Variants in ZNF638 observed in about 807,000 individuals in gnomAD.
ZNF638 encodes the protein CTCL tumor antigen se33-1.
ZNF638 carries 46 observed loss-of-function variants against 195.6 expected under a neutral mutation model. That is an observed-to-expected ratio of 0.24 (90% confidence interval 0.19 to 0.30). ZNF638 has a LOEUF of 0.30. ZNF638 is among the 10% of genes least tolerant of loss of function. The probability of loss-of-function intolerance (pLI) is 1.00; values close to 1 mark genes in which losing one functional copy is unlikely to be tolerated. For synonymous variants in ZNF638, 845 were observed against 772.0 expected, an observed-to-expected ratio of 1.09 and a Z score of -1.57; for missense variants, 2,440 against 2,325.3, an observed-to-expected ratio of 1.05 and a Z score of -1.01.
intron 1 of ZNF638, chr2:71,348,539 G>A: frequency 3.4e-6 from 4 of 1,180,908 alleles, no homozygotes; most frequent in Non-Finnish European, 4.3e-6. Context: ...CATGAACTCT[G>A]GCTTGAGGTT....
intron 1 of ZNF638, among the ~76,000 whole-genome samples, chr2:71,339,885 G>C (rs987095709): frequency 2.0e-5 from 3 of 152,118 alleles, no homozygotes; most frequent in African/African-American, 7.2e-5. Flanking sequence ...GCACATCTGC[G>C]GGGGAGCATC....
chr2:71,425,885 G>A (rs1477823231), intron 23 of ZNF638, among the ~76,000 whole-genome samples: 4 of 152,030 alleles, frequency 2.6e-5, no homozygotes, highest in African/African-American at 7.2e-5. Flanking sequence ...GGCTGGTCTC[G>A]AACTCCTGAC....
chr2:71,331,886 T>C lies in ZNF638; in HGVS notation c.-203+11T>C. On this transcript the variant is annotated intron_variant, in intron 1 of 27. Coordinates refer to ENST00000264447, the MANE Select transcript of ZNF638 (RefSeq NM_014497.5). The stretch of plus-strand genomic sequence containing the variant: ...GTCGGGTAGGCATAGGTAGGACCGC[T>C]GCCCTGTGGGGAGTAGGGGGTTGGA... 1 of 986,340 alleles carries C rather than the reference T, an allele frequency of 1.0e-6. No individual in the cohort carries two copies. Among genetic ancestry groups the C allele is most frequent in the South Asian group, 4.7e-5 (1 of 21,306 alleles). 61.1% of individuals were successfully genotyped at this position (986,340 alleles called of 1,614,324 possible). A position where few individuals can be genotyped will look rare whatever the true frequency, so the allele number is the denominator to read the frequency against.
chr2:71,350,214 T>C lies in ZNF638; in HGVS notation c.1260T>C (p.Ser420=), dbSNP rs2078917534. The change falls in exon 2 of 28, where the codon TCT becomes TCC. Residue 420 remains serine, a synonymous_variant. Transcript: ENST00000264447. ...PSMMNDYYAA[S]PRIFPHLCSL... Reference sequence around the variant, plus strand: ...TGATGAATGATTATTATGCAGCATCTCCAAGAATATTTCCACATTTGTGTT... The same window carrying C: ...TGATGAATGATTATTATGCAGCATCCCCAAGAATATTTCCACATTTGTGTT... 1.2e-6 allele frequency: 2 copies of C among 1,606,780 alleles called. No homozygotes were observed. The highest frequency in any genetic ancestry group is 1.3e-5 in the African/African-American group (1 of 75,052).
intron 1 of ZNF638, among the ~76,000 whole-genome samples, chr2:71,336,899 T>G (rs969114281): frequency 1.3e-5 from 2 of 152,190 alleles, no homozygotes; most frequent in Non-Finnish European, 2.9e-5. Context: ...ACTTAAGGAG[T>G]TAACTAATTT....
chr2:71,393,543 C>T (rs764114057), intron 10 of ZNF638: 6 of 717,868 alleles, frequency 8.4e-6, no homozygotes, highest in South Asian at 4.4e-5. Context: ...CGGACATTAC[C>T]TGGGGGATGC....
intron 1 of ZNF638, among the ~76,000 whole-genome samples, chr2:71,336,141 G>A (rs1244606835): frequency 6.6e-6 from 1 of 152,172 alleles, no homozygotes; most frequent in African/African-American, 2.4e-5. Flanking sequence ...GGAGGCCGAG[G>A]CAGGCGGATC....
Position 71,423,070 on chromosome 2 carries a change from G to C in ZNF638, c.3556G>C (p.Val1186Leu), listed in dbSNP as rs1202718589. Residue 1186 changes from valine (V) to leucine (L), a missense_variant, in exon 22 of 28, where the codon GTC (valine) becomes CTC (leucine). Coordinates refer to ENST00000264447, the MANE Select transcript of ZNF638 (RefSeq NM_014497.5). ...EEIPLVASAS[V>L]SIEQFTENAE... Reference sequence around the variant, plus strand: ...AATTCCTCTTGTAGCATCCGCTTCAGTCAGTATTGAACAATTCACTGAAAA... The same window carrying C: ...AATTCCTCTTGTAGCATCCGCTTCACTCAGTATTGAACAATTCACTGAAAA... The C allele has an allele frequency of 6.2e-7, 1 of 1,614,034 alleles. No individual in the cohort carries two copies. The highest frequency in any genetic ancestry group is 8.5e-7 in the Non-Finnish European group (1 of 1,180,008).
intron 5 of ZNF638, 142 bp downstream of exon 5, chr2:71,364,394 A>G (rs2104272735): frequency 1.1e-6 from 1 of 880,918 alleles, no homozygotes. Context: ...CCACAGAGTT[A>G]TTCCCTCTGG....
intron 10 of ZNF638, among the ~76,000 whole-genome samples, chr2:71,391,836 G>A (rs1421251882): frequency 1.3e-5 from 2 of 152,064 alleles, no homozygotes; most frequent in Non-Finnish European, 2.9e-5. Flanking sequence ...CAGCAAAAAG[G>A]GAAATTGAGG....
In ZNF638 at chr2:71,395,136, A is replaced by T. The variant is rs1207956370; in HGVS notation, c.2378-1005A>T. On this transcript the variant is annotated intron_variant, in intron 10 of 27. Transcript: ENST00000264447. ...AGATCTACATGTCCAACAAACAGTT[A>T]TATGGAAGGATGTGCAAGAACATCT... 8.9e-6 allele frequency: 6 copies of T among 674,654 alleles called. No individual in the cohort carries two copies. In the East Asian group the frequency reaches 1.4e-4, roughly 15 times the overall value. The allele number at this position is 674,654 out of a possible 1,614,324, so 41.8% of individuals were successfully genotyped here.
chr2:71,374,196 A>G (rs1260790209), intron 8 of ZNF638: 2 of 152,244 alleles, frequency 1.3e-5, no homozygotes, highest in Non-Finnish European at 2.9e-5. Context: ...TCCTTAATCT[A>G]TTATTTGCAG....
At chr2:71,428,479 A>T (rs1420692155) in intron 24 of ZNF638, 68 bp from the exon 25 acceptor site, 1 of 1,410,776 alleles carries the variant, frequency 7.1e-7, no homozygotes, top group African/African-American at 1.4e-5. Context: ...CAGACAGTAT[A>T]ATATGTTTAA....
chr2:71,430,790 C>T (rs992702670), intron 25 of ZNF638, among the ~76,000 whole-genome samples: 1 of 152,170 alleles, frequency 6.6e-6, no homozygotes, highest in Admixed American at 6.5e-5. Context: ...TGTCTGTCCC[C>T]AAGATCATAG....
At chr2:71,356,580 C>T (rs998266886) in intron 3 of ZNF638, among the ~76,000 whole-genome samples, 1 of 152,080 alleles carries the variant, frequency 6.6e-6, no homozygotes, top group East Asian at 1.9e-4. Flanking sequence ...TGCTTGAGCT[C>T]AGGAGTTCAG....
chr2:71,333,000 T>C (rs1020889755), intron 1 of ZNF638: 5 of 152,088 alleles, frequency 3.3e-5, no homozygotes, highest in African/African-American at 1.2e-4. Flanking sequence ...GGATTATTTT[T>C]TCAGGGATGT....
At chr2:71,383,270 G>C (rs1467189855) in intron 10 of ZNF638, among the ~76,000 whole-genome samples, 1 of 152,080 alleles carries the variant, frequency 6.6e-6, no homozygotes, top group Non-Finnish European at 1.5e-5. Context: ...AGCCAAGATC[G>C]TGCCACTGCA....
In ZNF638 at chr2:71,419,470, G is replaced by A. The variant is rs930736538; in HGVS notation, c.3299+831G>A. ...TGTTAAGATCCCTGAAAAACAGAAC[G>A]TCTTAGCGGATTTTTCTTCTCAGTA... On this transcript the variant is annotated intron_variant, in intron 21 of 27. Transcript: ENST00000264447. 5.9e-5 allele frequency among the ~76,000 whole-genome samples: 9 copies of A among 152,130 alleles called. No homozygotes were observed. The South Asian group carries it at 6.2e-4, about 11-fold the overall frequency.
At chr2:71,419,209 T>G (rs2080369068) in intron 21 of ZNF638, among the ~76,000 whole-genome samples, 1 of 152,188 alleles carries the variant, frequency 6.6e-6, no homozygotes, top group Non-Finnish European at 1.5e-5. Context: ...ACCCTCTCCT[T>G]AATAACTTTC....
Sources: allele counts gnomAD v4.1 joint callset (sites outside exome capture counted in the v4.1 genomes callset), GRCh38; gene constraint gnomAD v4.1.1; transcripts MANE v1.5; gene names NCBI Gene and HGNC (gene_info 2026-07-23, HGNC 2026-07-21).